TAF3: variants seen among roughly 807,000 people sequenced by gnomAD.
TAF3 encodes TATA-box binding protein associated factor 3.
In TAF3, 7 loss-of-function variants were observed where a neutral mutation model predicts 80.6. The ratio of observed to expected loss-of-function variants is 0.09; its 90% CI spans 0.05 to 0.16. The LOEUF (loss-of-function observed/expected upper bound fraction) is 0.16. Ranked by LOEUF, TAF3 falls within the 10% of genes least tolerant of loss-of-function variation. The pLI, the probability that TAF3 is intolerant of heterozygous loss-of-function variation, is 1.00. For synonymous variants in TAF3, 444 were observed against 446.1 expected, an observed-to-expected ratio of 1.00 and a Z score of 0.06; for missense variants, 921 against 1,140.2, an observed-to-expected ratio of 0.81 and a Z score of 2.77.
At chr10:7,951,431 C>T (rs888898378) in intron 2 of TAF3, among the ~76,000 whole-genome samples, 4 of 152,164 alleles carry the variant, frequency 2.6e-5, no homozygotes, top group African/African-American at 9.7e-5. Context: ...GGCTCTGGGC[C>T]ACACACTTCA....
chr10:8,012,191 A>T (rs1273616693), intron 5 of TAF3, among the ~76,000 whole-genome samples: 1 of 152,148 alleles, frequency 6.6e-6, no homozygotes, highest in African/African-American at 2.4e-5. Context: ...AATAAAAATG[A>T]AAATTTAAAA....
intron 2 of TAF3, among the ~76,000 whole-genome samples, chr10:7,930,458 C>T (rs894219168): frequency 6.6e-6 from 1 of 152,170 alleles, no homozygotes; most frequent in Non-Finnish European, 1.5e-5. Context: ...TTCTGCTCCT[C>T]TAACACAATC....
rs546882268 is a variant in TAF3 at position 7,842,043 on chromosome 10, C to T, written c.409+17483C>T. The stretch of plus-strand genomic sequence containing the variant: ...GACTGCCTATGTTGGCCAGGCACCA[C>T]GCCCGATGTGGGAGGCAGAGGCCCT... On this transcript the variant is annotated intron_variant, in intron 2 of 6. Coordinates refer to ENST00000344293, the MANE Select transcript of TAF3 (RefSeq NM_031923.4). Among the ~76,000 whole-genome samples, 9 of 152,072 alleles carry T rather than the reference C, an allele frequency of 5.9e-5. No homozygotes were observed. In the East Asian group the frequency reaches 7.7e-4, roughly 13 times the overall value.
intron 6 of TAF3, among the ~76,000 whole-genome samples, chr10:8,014,106 CA>C (rs1832081633): frequency 6.6e-6 from 1 of 152,116 alleles, no homozygotes; most frequent in Admixed American, 6.5e-5. Context: ...AAAGGAGATC[CA>C]GGGGCTTCCC....
At position 7,862,425 on chromosome 10, in the gene TAF3, T is replaced by A. The variant is rs184230577; in HGVS notation, c.409+37865T>A. Among the ~76,000 whole-genome samples, 188 of 152,346 alleles carry A rather than the reference T, an allele frequency of 1.2e-3. 1 individual carries two copies. The highest frequency in any genetic ancestry group is 9.8e-4 in the Non-Finnish European group (67 of 68,024). The stretch of plus-strand genomic sequence containing the variant: ...CTCAAACTCCAAGCTGTTTTTCCTA[T>A]GATGGGCAGCAGCAGAAATCTCTTT... On this transcript the variant is annotated intron_variant, in intron 2 of 6. Transcript: ENST00000344293.
At chr10:8,008,575 G>A (rs1832019275) in intron 4 of TAF3, among the ~76,000 whole-genome samples, 1 of 152,192 alleles carries the variant, frequency 6.6e-6, no homozygotes, top group African/African-American at 2.4e-5. Context: ...GCCAGGTTAG[G>A]TTTATGGTAA....
At chr10:7,990,858 G>C (rs747035601) in intron 4 of TAF3, among the ~76,000 whole-genome samples, 2 of 152,060 alleles carry the variant, frequency 1.3e-5, no homozygotes, top group East Asian at 3.9e-4. Context: ...AAGACACCAG[G>C]CTGACTCACT....
At chr10:7,918,295 G>A (rs535854777) in intron 2 of TAF3, among the ~76,000 whole-genome samples, 2 of 152,314 alleles carry the variant, frequency 1.3e-5, no homozygotes, top group East Asian at 3.9e-4. Flanking sequence ...GAATGATCCA[G>A]GGAAGAGGTG....
intron 2 of TAF3, among the ~76,000 whole-genome samples, chr10:7,887,812 G>A (rs1837422425): frequency 6.6e-6 from 1 of 151,442 alleles, no homozygotes. Context: ...AATTTTAATT[G>A]GCCACTTAAA....
At chr10:7,929,562 T>C (rs1463307494) in intron 2 of TAF3, among the ~76,000 whole-genome samples, 2 of 152,204 alleles carry the variant, frequency 1.3e-5, no homozygotes, top group East Asian at 3.9e-4. Context: ...CACACCCGGC[T>C]AATTTTTGTG....
At chr10:7,974,149 CACACACACACACACACACACACAA>C (rs1255881062) in intron 3 of TAF3, among the ~76,000 whole-genome samples, 5 of 151,360 alleles carry the variant, frequency 3.3e-5, no homozygotes, top group African/African-American at 7.3e-5. Flanking sequence ...CACACACACA[CACACACACACACACACACACACAA>C]ACACACACAC....
chr10:7,858,231 A>T (rs1490961151), intron 2 of TAF3, among the ~76,000 whole-genome samples: 1 of 152,222 alleles, frequency 6.6e-6, no homozygotes, highest in Non-Finnish European at 1.5e-5. Flanking sequence ...TTGTGATAGA[A>T]TATAAGATCC....
At chr10:7,973,341 C>T (rs960649907) in intron 3 of TAF3, among the ~76,000 whole-genome samples, 3 of 152,146 alleles carry the variant, frequency 2.0e-5, no homozygotes, top group African/African-American at 4.8e-5. Context: ...TATTGGAATG[C>T]GTACATGCTA....
intron 2 of TAF3, among the ~76,000 whole-genome samples, chr10:7,838,693 C>T (rs942374143): frequency 5.9e-5 from 9 of 152,030 alleles, no homozygotes; most frequent in East Asian, 5.8e-4. Flanking sequence ...AGCTGGTTTT[C>T]TTAATGGGCA....
chr10:7,824,676 C>G, intron 2 of TAF3, 116 bp downstream of exon 2: 1 of 1,286,062 alleles, frequency 7.8e-7, no homozygotes, highest in East Asian at 2.3e-5. Context: ...GAAACATTTA[C>G]TGTTACTTAC....
At chr10:7,982,791 G>A (rs1831738039) in intron 4 of TAF3, among the ~76,000 whole-genome samples, 1 of 152,214 alleles carries the variant, frequency 6.6e-6, no homozygotes, top group South Asian at 2.1e-4. Flanking sequence ...CTATGTGGGA[G>A]CAGATGACAA....
rs1440126338 is a variant in TAF3, at chr10:7,964,552, C to G, written c.1042C>G (p.Leu348Val). The G allele has an allele frequency of 6.2e-7, 1 of 1,613,928 alleles. No homozygotes were observed. The highest frequency in any genetic ancestry group is 8.5e-7 in the Non-Finnish European group (1 of 1,179,918). Residue 348 changes from leucine to valine, a missense_variant, in exon 3 of 7, where the codon CTC (leucine) becomes GTC (valine). Leu to Val is a conservative substitution (Grantham distance 32). Transcript: ENST00000344293. The surrounding 1 kb of genome is among the most constrained non-coding windows in gnomAD (Gnocchi z 4.1). Reference protein sequence around the residue: ...ETPNRTPSATLSEKISKETIQ... With the variant: ...ETPNRTPSATVSEKISKETIQ... ...GCCCAACAGGACTCCTTCAGCTACA[C>G]TCAGTGAAAAAATCAGTAAAGAGAC...
intron 2 of TAF3, among the ~76,000 whole-genome samples, chr10:7,838,806 C>T (rs942912869): frequency 6.6e-6 from 1 of 151,994 alleles, no homozygotes; most frequent in African/African-American, 2.4e-5. Context: ...TCTCTTGGCC[C>T]TCTCAGATAC....
intron 2 of TAF3, among the ~76,000 whole-genome samples, chr10:7,849,424 C>A (rs1330149711): frequency 6.6e-6 from 1 of 152,088 alleles, no homozygotes; most frequent in Non-Finnish European, 1.5e-5. Flanking sequence ...CTGGTGTCAT[C>A]CTGTAGATCT....
Sources: allele counts gnomAD v4.1 joint callset (sites outside exome capture counted in the v4.1 genomes callset), GRCh38; gene constraint gnomAD v4.1.1; non-coding constraint Gnocchi (gnomAD v3.1); transcripts MANE v1.5; gene names NCBI Gene and HGNC (gene_info 2026-07-23, HGNC 2026-07-21).